The following PPM1B variants were observed in gnomAD, a reference collection of about 807,000 sequenced individuals.
PPM1B encodes the protein protein phosphatase, Mg2+/Mn2+ dependent 1B.
Under a neutral mutation model 43.0 loss-of-function variants are expected in PPM1B, and 22 were observed. The observed-to-expected ratio is 0.51, with a 90% CI of 0.37 to 0.73. The LOEUF is 0.73. Among genes scored for constraint, PPM1B ranks in the 30% least tolerant of loss-of-function variants. The probability of loss-of-function intolerance (pLI) is 0.00; values close to 1 mark genes in which losing one functional copy is unlikely to be tolerated. For synonymous variants in PPM1B, 217 were observed against 197.9 expected (o/e 1.10, Z -0.81); for missense variants, 632 against 584.2 (o/e 1.08, Z -0.84).
At chr2:44,227,875 C>T (rs1670288619) in intron 5 of PPM1B, among the ~76,000 whole-genome samples, 2 of 151,350 alleles carry the variant, frequency 1.3e-5, no homozygotes, top group Admixed American at 6.6e-5. Context: ...CCCACCACCA[C>T]CCCGTCTGAG....
intron 1 of PPM1B, among the ~76,000 whole-genome samples, chr2:44,179,163 C>T (rs1278859990): frequency 6.6e-6 from 1 of 152,118 alleles, no homozygotes; most frequent in African/African-American, 2.4e-5. Context: ...CTCTCTTTGC[C>T]TGCTGCCATC....
In PPM1B at chr2:44,214,327, C is replaced by T. The variant is rs182809087; in HGVS notation, c.965-3640C>T. ...CTCGTGATCTGCCCGCCTCGGCCTC[C>T]CAAAGTGCTGGGATTACAGGCGTGA... On this transcript the variant is annotated intron_variant, in intron 3 of 5. Transcript: ENST00000282412. Among the ~76,000 whole-genome samples, 1,007 of 152,018 alleles carry T rather than the reference C, an allele frequency of 6.6e-3. 7 individuals are homozygous for T. Among genetic ancestry groups the T allele is most frequent in the Non-Finnish European group, 0.011 (727 of 68,002 alleles).
At chr2:44,198,656 G>T (rs1326429246) in intron 1 of PPM1B, among the ~76,000 whole-genome samples, 1 of 152,146 alleles carries the variant, frequency 6.6e-6, no homozygotes, top group East Asian at 1.9e-4. Context: ...ATGTGCCTCT[G>T]TTACAAAAAT....
chr2:44,214,964 A>G (rs1258909187), intron 3 of PPM1B, among the ~76,000 whole-genome samples: 1 of 152,222 alleles, frequency 6.6e-6, no homozygotes, highest in African/African-American at 2.4e-5. Context: ...TGTAATAGCC[A>G]CATTTTAATT....
chr2:44,171,283 A>G (rs934725498), intron 1 of PPM1B, among the ~76,000 whole-genome samples: 1 of 152,228 alleles, frequency 6.6e-6, no homozygotes, highest in African/African-American at 2.4e-5. Flanking sequence ...TAATTCACCT[A>G]ATTACTAAAT....
In PPM1B at chr2:44,215,929, C is replaced by A. The variant is rs149758926; in HGVS notation, c.965-2038C>A. Among the ~76,000 whole-genome samples, 75 of 152,152 alleles carry A rather than the reference C, an allele frequency of 4.9e-4. 1 individual carries two copies. In the East Asian group the frequency reaches 0.012, roughly 25 times the overall value. ...AGAGAATATCTGAGGGAAGAACATTCCAGGCAATGACAACAGCAAAGACTA... is the reference window on the plus strand; with the variant it reads ...AGAGAATATCTGAGGGAAGAACATTACAGGCAATGACAACAGCAAAGACTA... On this transcript the variant is annotated intron_variant, in intron 3 of 5. Coordinates refer to ENST00000282412, the MANE Select transcript of PPM1B (RefSeq NM_002706.6).
intron 1 of PPM1B, among the ~76,000 whole-genome samples, chr2:44,193,506 G>A (rs1169348823): frequency 2.6e-5 from 4 of 151,572 alleles, no homozygotes; most frequent in African/African-American, 7.3e-5. Context: ...CAGTCCTCCC[G>A]CTGTAGCTTC....
chr2:44,215,546 T>C (rs951700315), intron 3 of PPM1B, among the ~76,000 whole-genome samples: 13 of 152,202 alleles, frequency 8.5e-5, no homozygotes, highest in Non-Finnish European at 2.9e-5. Flanking sequence ...TCATGTAATA[T>C]GACATTAAAT....
At chr2:44,240,274 C>A (rs1030884418) in intron 5 of PPM1B, among the ~76,000 whole-genome samples, 2 of 145,896 alleles carry the variant, frequency 1.4e-5, no homozygotes, top group African/African-American at 4.9e-5. Context: ...GTTCGCCCTT[C>A]CTATAATTAT....
Position 44,201,790 on chromosome 2 carries a change from A to C in PPM1B, c.591A>C (p.Ala197=). The change falls in exon 2 of 6, where the codon GCA becomes GCC. Residue 197 remains alanine (A), a synonymous_variant. Transcript: ENST00000282412. This position sits in a 1 kb window ranked among gnomAD's most constrained non-coding sequence, Gnocchi z 5.4. ...VMIQRVNGSL[A]VSRALGDYDY... ...TACAACGTGTTAATGGTTCATTAGC[A>C]GTATCTCGTGCTCTGGGGGACTATG... 6.2e-7 allele frequency: 1 copy of C among 1,614,244 alleles called. No homozygotes were observed. Among genetic ancestry groups the C allele is most frequent in the East Asian group, 2.2e-5 (1 of 44,882 alleles).
intron 5 of PPM1B, chr2:44,230,198 C>G: frequency 3.5e-6 from 5 of 1,415,068 alleles, no homozygotes; most frequent in Non-Finnish European, 4.6e-6. Context: ...AAGACATAAA[C>G]TAGTTAATGG....
intron 1 of PPM1B, among the ~76,000 whole-genome samples, chr2:44,172,164 T>C (rs1667378175): frequency 6.6e-6 from 1 of 152,220 alleles, no homozygotes; most frequent in Admixed American, 6.5e-5. Context: ...GAGTATGATA[T>C]TCCTGAATTT....
At chr2:44,208,186 T>G (rs17039151) in intron 2 of PPM1B, among the ~76,000 whole-genome samples, 1 of 151,674 alleles carries the variant, frequency 6.6e-6, no homozygotes, top group Non-Finnish European at 1.5e-5. Context: ...CCGTGCCCAG[T>G]GTATGCTTCC....
At chr2:44,193,541 T>C (rs1668507644) in intron 1 of PPM1B, among the ~76,000 whole-genome samples, 2 of 152,030 alleles carry the variant, frequency 1.3e-5, no homozygotes, top group Non-Finnish European at 1.5e-5. Flanking sequence ...CTACATGTGC[T>C]TGCTACTGTA....
At chr2:44,219,118 C>G (rs571120335) in intron 5 of PPM1B, 1 of 163,506 alleles carries the variant, frequency 6.1e-6, no homozygotes, top group Non-Finnish European at 1.3e-5. Flanking sequence ...TGCTTTTCTT[C>G]GAAATGTCAG....
intron 1 of PPM1B, among the ~76,000 whole-genome samples, chr2:44,173,899 C>T (rs561755004): frequency 2.0e-5 from 3 of 152,312 alleles, no homozygotes; most frequent in East Asian, 1.9e-4. Flanking sequence ...GCCAAGATCA[C>T]GCCACTGCAC....
downstream of PPM1B, among the ~76,000 whole-genome samples, chr2:44,237,185 T>G (rs1039481900): frequency 6.6e-6 from 1 of 152,250 alleles, no homozygotes; most frequent in African/African-American, 2.4e-5. Flanking sequence ...TATGCTAAAT[T>G]GCTTTTAAGT....
intron 5 of PPM1B, among the ~76,000 whole-genome samples, chr2:44,227,294 A>C (rs1310224722): frequency 6.6e-6 from 1 of 152,034 alleles, no homozygotes; most frequent in Non-Finnish European, 1.5e-5. Flanking sequence ...TATTTAGGGA[A>C]ACATGTTTTA....
chr2:44,179,423 G>C (rs1188595478), intron 1 of PPM1B, among the ~76,000 whole-genome samples: 1 of 152,190 alleles, frequency 6.6e-6, no homozygotes, highest in African/African-American at 2.4e-5. Flanking sequence ...CGAGTGGTTA[G>C]TGGCTACTAT....
Sources: gnomAD v4.1 joint callset for allele counts (sites outside exome capture counted in the v4.1 genomes callset) on GRCh38, gnomAD v4.1.1 for gene constraint, Gnocchi (gnomAD v3.1) non-coding constraint, MANE v1.5 for transcripts, NCBI Gene and HGNC (gene_info 2026-07-23, HGNC 2026-07-21) for gene names.